Variants in NYAP2 observed in about 807,000 individuals in gnomAD.
NYAP2 encodes neuronal tyrosine-phosphorylated phosphoinositide-3-kinase adaptor 2.
NYAP2 carries 23 observed loss-of-function variants against 50.4 expected under a neutral mutation model. The ratio of observed to expected loss-of-function variants is 0.46; its 90% CI spans 0.33 to 0.65. The LOEUF (loss-of-function observed/expected upper bound fraction) is 0.65, where lower values mean the gene tolerates loss of function less well. Among genes scored for constraint, NYAP2 ranks in the 30% least tolerant of loss-of-function variants. The probability of loss-of-function intolerance (pLI) is 0.02; values close to 1 mark genes in which losing one functional copy is unlikely to be tolerated. For synonymous variants in NYAP2, 394 were observed against 365.2 expected, an observed-to-expected ratio of 1.08 and a Z score of -0.90; for missense variants, 885 against 861.0, an observed-to-expected ratio of 1.03 and a Z score of -0.35.
Position 225,512,360 on chromosome 2 carries a change from G to A in NYAP2, c.222-1011G>A, listed in dbSNP as rs144838545. On this transcript the variant is annotated intron_variant, in intron 3 of 6. Transcript: ENST00000636099. ...TTACTCAATGTTGCTGTTTTATTTT[G>A]TGTGTCTGATTTCTTAGTAGGACTG... Among the ~76,000 whole-genome samples the A allele has an allele frequency of 4.7e-3, 709 of 152,242 alleles. 6 individuals carry two copies. Among genetic ancestry groups the A allele is most frequent in the African/African-American group, 0.016 (682 of 41,558 alleles).
intron 6 of NYAP2, among the ~76,000 whole-genome samples, chr2:225,634,783 C>A (rs1574721851): frequency 6.6e-6 from 1 of 152,128 alleles, no homozygotes; most frequent in Admixed American, 6.6e-5. Flanking sequence ...AGCCATAATT[C>A]ATCTTCTGGT....
chr2:225,673,684 T>C, the NYAP2 span, among the ~76,000 whole-genome samples: 1 of 152,170 alleles, frequency 6.6e-6, no homozygotes, highest in East Asian at 1.9e-4. Flanking sequence ...TGCAGTCATA[T>C]AACCCTTTTG....
chr2:225,552,559 TTCTCTC>T (rs145391159), intron 4 of NYAP2, among the ~76,000 whole-genome samples: 8 of 149,980 alleles, frequency 5.3e-5, no homozygotes, highest in African/African-American at 1.7e-4. Flanking sequence ...TTCTCTCTCT[TTCTCTC>T]TCTCTCTCTC....
At chr2:225,676,633 C>T in the NYAP2 span, among the ~76,000 whole-genome samples, 1 of 152,074 alleles carries the variant, frequency 6.6e-6, no homozygotes, top group East Asian at 1.9e-4. Flanking sequence ...ACCATAAGAT[C>T]TTGTGAGACC....
chr2:225,506,366 A>G (rs1690707379), intron 3 of NYAP2, among the ~76,000 whole-genome samples: 1 of 152,210 alleles, frequency 6.6e-6, no homozygotes. Flanking sequence ...GAATTGTATG[A>G]CAAGTTACAC....
At chr2:225,446,456 A>T (rs1370976667) in intron 3 of NYAP2, among the ~76,000 whole-genome samples, 2 of 151,720 alleles carry the variant, frequency 1.3e-5, no homozygotes, top group African/African-American at 4.8e-5. Flanking sequence ...CAAAACAAAA[A>T]CCCAAAAACC....
At chr2:225,462,221 A>G (rs4560104) in intron 3 of NYAP2, among the ~76,000 whole-genome samples, 2,978 of 152,328 alleles carry the variant, frequency 0.02, 87 homozygotes, top group African/African-American at 0.068. Context: ...TTCTAAATCA[A>G]TGTACATGGA....
intron 3 of NYAP2, among the ~76,000 whole-genome samples, chr2:225,430,371 T>G (rs1325670498): frequency 6.6e-6 from 1 of 152,230 alleles, no homozygotes; most frequent in Non-Finnish European, 1.5e-5. Context: ...GTTTTTTAGA[T>G]TCCCTTCTTC....
At chr2:225,575,660 G>A (rs991649968) in intron 4 of NYAP2, among the ~76,000 whole-genome samples, 1 of 152,164 alleles carries the variant, frequency 6.6e-6, no homozygotes, top group East Asian at 1.9e-4. Flanking sequence ...TGACTTAGTG[G>A]CTTGTTTTCT....
intron 4 of NYAP2, among the ~76,000 whole-genome samples, chr2:225,534,702 A>G (rs894447436): frequency 3.9e-5 from 6 of 152,230 alleles, no homozygotes; most frequent in Admixed American, 2.0e-4. Flanking sequence ...ACCTTATAGT[A>G]ATTGGAACAG....
At chr2:225,675,893 T>C in the NYAP2 span, among the ~76,000 whole-genome samples, 1 of 152,152 alleles carries the variant, frequency 6.6e-6, no homozygotes, top group East Asian at 1.9e-4. Flanking sequence ...CTCTGATGAT[T>C]AGCGATCTTA....
At chr2:225,580,711 C>T (rs1692257010) in intron 4 of NYAP2, among the ~76,000 whole-genome samples, 1 of 152,016 alleles carries the variant, frequency 6.6e-6, no homozygotes, top group Admixed American at 6.5e-5. Context: ...TCCTTAAGCA[C>T]TTTCAGCTCC....
chr2:225,432,962 C>T (rs1374439769), intron 3 of NYAP2, among the ~76,000 whole-genome samples: 1 of 152,144 alleles, frequency 6.6e-6, no homozygotes, highest in Non-Finnish European at 1.5e-5. Context: ...CCCTTTCACT[C>T]ATAAACCATA....
rs552586294 is a variant in NYAP2, at chr2:225,563,948, G to C, written c.524-17993G>C. ...GGGAATAATCTGTGGACTGTAATCT[G>C]AGAATATTGCAGACTGGGTGAACTG... On this transcript the variant is annotated intron_variant, in intron 4 of 6. Transcript: ENST00000636099. Among the ~76,000 whole-genome samples the C allele has an allele frequency of 8.5e-5, 13 of 152,168 alleles. No individual in the cohort carries two copies. The South Asian group carries it at 2.7e-3, about 32-fold the overall frequency.
downstream of NYAP2, among the ~76,000 whole-genome samples, chr2:225,658,084 T>C (rs975037323): frequency 2.0e-5 from 3 of 152,212 alleles, no homozygotes; most frequent in Non-Finnish European, 4.4e-5. Flanking sequence ...GATTTTATTG[T>C]ATGCTCATGA....
In NYAP2 at chr2:225,567,279, C is replaced by A. The variant is rs1431205226; in HGVS notation, c.524-14662C>A. On this transcript the variant is annotated intron_variant, in intron 4 of 6. Transcript: ENST00000636099. Reference sequence around the variant, plus strand: ...TATGGGATCCATAGCTGACTGCACCCTTATTATGTGGCACATAAACTTTCA... The same window carrying A: ...TATGGGATCCATAGCTGACTGCACCATTATTATGTGGCACATAAACTTTCA... 3.3e-5 allele frequency among the ~76,000 whole-genome samples: 5 copies of A among 151,926 alleles called. No homozygotes were observed. In the East Asian group the frequency reaches 9.7e-4, roughly 29 times the overall value.
Position 225,515,399 on chromosome 2 carries a change from A to C in NYAP2, c.523+1727A>C, listed in dbSNP as rs567612218. Among the ~76,000 whole-genome samples the C allele has an allele frequency of 2.0e-5, 3 of 152,274 alleles. No individual in the cohort carries two copies. The East Asian group carries it at 5.8e-4, about 29-fold the overall frequency. On this transcript the variant is annotated intron_variant, in intron 4 of 6. Coordinates refer to ENST00000636099, the Ensembl canonical transcript of NYAP2. ...GAAGTGTACAGCCAAGTAATTAATC[A>C]TTATCTTGTTGATGAATACTCAGAT... is the stretch of plus-strand genomic sequence containing the variant.
exon 1 of NYAP2, chr2:225,400,020 A>G (rs1228163513): frequency 6.6e-6 from 1 of 151,892 alleles, no homozygotes. Context: ...TAAAAGAGAG[A>G]GGTTCTGTTG....
intron 3 of NYAP2, among the ~76,000 whole-genome samples, chr2:225,487,755 G>T (rs759229444): frequency 1.3e-5 from 2 of 152,136 alleles, no homozygotes; most frequent in African/African-American, 2.4e-5. Flanking sequence ...TATTTATGGG[G>T]ATGTTTGTTC....
Sources: allele counts gnomAD v4.1 joint callset (sites outside exome capture counted in the v4.1 genomes callset), GRCh38; gene constraint gnomAD v4.1.1; transcripts MANE v1.5; gene names NCBI Gene and HGNC (gene_info 2026-07-23, HGNC 2026-07-21).